TDRD5: variants seen among roughly 807,000 people sequenced by gnomAD.
TDRD5 encodes the protein tudor domain-containing protein 5.
Under a neutral mutation model 120.6 loss-of-function variants are expected in TDRD5, and 41 were observed. The ratio of observed to expected loss-of-function variants is 0.34; its 90% confidence interval spans 0.26 to 0.44. The LOEUF is 0.44. Ranked by LOEUF, TDRD5 falls within the 20% of genes least tolerant of loss-of-function variation. The probability of loss-of-function intolerance (pLI) is 1.00; values close to 1 mark genes in which losing one functional copy is unlikely to be tolerated. For synonymous variants in TDRD5, 430 were observed against 433.7 expected (o/e 0.99, Z 0.11); for missense variants, 1,006 against 1,221.2 (o/e 0.82, Z 2.63).
intron 3 of TDRD5, among the ~76,000 whole-genome samples, chr1:179,594,803 C>A (rs1429158638): frequency 6.6e-6 from 1 of 152,192 alleles, no homozygotes; most frequent in Non-Finnish European, 1.5e-5. Context: ...ATAGGGAAGG[C>A]TCTGGAGGCC....
intron 4 of TDRD5, among the ~76,000 whole-genome samples, chr1:179,601,774 C>G (rs1675726175): frequency 6.6e-6 from 1 of 152,182 alleles, no homozygotes; most frequent in South Asian, 2.1e-4. Context: ...GGTAGATACC[C>G]AGTAGTGGGA....
At chr1:179,675,273 ATTTT>A (rs1172444253) in intron 17 of TDRD5, among the ~76,000 whole-genome samples, 2 of 66,626 alleles carry the variant, frequency 3.0e-5, no homozygotes, top group African/African-American at 1.1e-4. Flanking sequence ...TATTATTATT[ATTTT>A]TTTTTTTTTT....
chr1:179,600,687 C>T (rs977310232), intron 4 of TDRD5, among the ~76,000 whole-genome samples: 2 of 151,906 alleles, frequency 1.3e-5, no homozygotes, highest in African/African-American at 2.4e-5. Context: ...GGGTTAATTT[C>T]CTCTTTGCTC....
At chr1:179,625,923 A>G (rs192838097) in intron 6 of TDRD5, among the ~76,000 whole-genome samples, 1 of 152,220 alleles carries the variant, frequency 6.6e-6, no homozygotes, top group African/African-American at 2.4e-5. Context: ...AGGGACATGG[A>G]TGAAATTGGA....
Position 179,654,297 on chromosome 1 carries a change from A to G in TDRD5, c.2257A>G (p.Lys753Glu). 2 of 1,549,878 alleles carry G rather than the reference A, an allele frequency of 1.3e-6. No homozygotes were observed. Among genetic ancestry groups the G allele is most frequent in the Non-Finnish European group, 1.7e-6 (2 of 1,146,596 alleles). Residue 753 changes from lysine (K) to glutamate (E), a missense_variant, in exon 14 of 18, where the codon AAG becomes GAG. By Grantham distance (56) the Lys-to-Glu change is moderately conservative. Around this residue, in one of 3 missense-constraint regions of TDRD5, gnomAD observed 403 missense variants for 448.1 expected, o/e 0.90. Transcript: ENST00000444136. ...SEFESLKTCN[K>E]SFEEDPKWSN... The stretch of plus-strand genomic sequence containing the variant: ...ATTTGAGTCTTTGAAAACCTGTAAT[A>G]AGAGCTTTGAAGAAGATCCAAAGTG...
rs1225357984 is a variant in TDRD5 at position 179,635,865 on chromosome 1, G to A, written c.1498G>A (p.Glu500Lys). The change falls in exon 9 of 18, where the codon GAA becomes AAA. Residue 500 changes from glutamate to lysine, a missense_variant. Coordinates refer to ENST00000444136, the MANE Select transcript of TDRD5 (RefSeq NM_001199085.3). Reference sequence around the variant, plus strand: ...TAGCAGGGATTCGTCAGAGTTACTCGAAGACATGATGATTGAAATGCGGTA... The same window carrying A: ...TAGCAGGGATTCGTCAGAGTTACTCAAAGACATGATGATTGAAATGCGGTA... ...IYSRDSSELL[E>K]DMMIEMRRCY... The A allele has an allele frequency of 2.5e-6, 4 of 1,613,446 alleles. No individual in the cohort carries two copies. The highest frequency in any genetic ancestry group is 2.2e-5 in the East Asian group (1 of 44,880).
At chr1:179,648,597 TAA>T (rs553600477) in intron 11 of TDRD5, among the ~76,000 whole-genome samples, 2 of 89,850 alleles carry the variant, frequency 2.2e-5, no homozygotes, top group Non-Finnish European at 4.7e-5. Flanking sequence ...AGTATAATAA[TAA>T]AAAAAAAAAG....
At chr1:179,603,273 C>G (rs1675812279) in intron 4 of TDRD5, among the ~76,000 whole-genome samples, 1 of 152,086 alleles carries the variant, frequency 6.6e-6, no homozygotes, top group Admixed American at 6.6e-5. Flanking sequence ...TAGGATCTTT[C>G]TGGAGGAGTC....
At chr1:179,600,222 A>C (rs1675633588) in intron 4 of TDRD5, among the ~76,000 whole-genome samples, 1 of 152,152 alleles carries the variant, frequency 6.6e-6, no homozygotes, top group Admixed American at 6.5e-5. Flanking sequence ...TCCTAGGCCT[A>C]CACATTCACC....
chr1:179,667,495 C>T (rs1381942427), intron 16 of TDRD5, among the ~76,000 whole-genome samples: 1 of 152,082 alleles, frequency 6.6e-6, no homozygotes, highest in Non-Finnish European at 1.5e-5. Flanking sequence ...AAACAAGTTA[C>T]CTTTTGTGCC....
intron 13 of TDRD5, among the ~76,000 whole-genome samples, chr1:179,653,571 T>C (rs1161428470): frequency 6.6e-6 from 1 of 152,220 alleles, no homozygotes; most frequent in Non-Finnish European, 1.5e-5. Flanking sequence ...TCTTCATTCT[T>C]AAATAGTAAA....
intron 17 of TDRD5, among the ~76,000 whole-genome samples, chr1:179,674,820 A>T (rs893494921): frequency 1.3e-5 from 2 of 152,050 alleles, no homozygotes; most frequent in African/African-American, 4.8e-5. Flanking sequence ...TTTCTAGTTT[A>T]CGTTTGTAAA....
At chr1:179,628,144 A>G (rs1056424009) in intron 6 of TDRD5, among the ~76,000 whole-genome samples, 6 of 152,180 alleles carry the variant, frequency 3.9e-5, no homozygotes, top group African/African-American at 1.4e-4. Context: ...AAGTGTTTGT[A>G]CTGCAAGATT....
At chr1:179,653,046 C>G (rs1050921883) in intron 13 of TDRD5, among the ~76,000 whole-genome samples, 2 of 152,074 alleles carry the variant, frequency 1.3e-5, no homozygotes, top group Non-Finnish European at 2.9e-5. Context: ...CACTTTTGGT[C>G]CCAAGCATTT....
chr1:179,625,463 T>C (rs1426304187), intron 6 of TDRD5, among the ~76,000 whole-genome samples: 1 of 152,096 alleles, frequency 6.6e-6, no homozygotes, highest in Admixed American at 6.6e-5. Context: ...AGTCTATAGC[T>C]CCATAATAGA....
chr1:179,616,034 A>G (rs1169545854), intron 4 of TDRD5, among the ~76,000 whole-genome samples: 2 of 152,124 alleles, frequency 1.3e-5, no homozygotes, highest in East Asian at 3.8e-4. Context: ...TGAATTTCAT[A>G]TAATTTTCAC....
intron 11 of TDRD5, among the ~76,000 whole-genome samples, chr1:179,644,993 TA>T (rs34287014): frequency 0.39 from 59,304 of 151,246 alleles, 12,006 homozygotes; most frequent in Admixed American, 0.45. Context: ...ATTGTTCAGT[TA>T]AAAAATATTT....
chr1:179,673,878 T>A (rs796933268), intron 17 of TDRD5, among the ~76,000 whole-genome samples: 1 of 152,244 alleles, frequency 6.6e-6, no homozygotes, highest in Non-Finnish European at 1.5e-5. Context: ...ATAGCAGAGC[T>A]ACTGATTGTG....
chr1:179,618,076 T>A (rs535245887), intron 4 of TDRD5, among the ~76,000 whole-genome samples: 1 of 152,308 alleles, frequency 6.6e-6, no homozygotes, highest in South Asian at 2.1e-4. Context: ...TAACTCTCTG[T>A]ACCTTCTGAC....
Sources: gnomAD v4.1 joint callset for allele counts (sites outside exome capture counted in the v4.1 genomes callset) on GRCh38, gnomAD v4.1.1 for gene constraint, gnomAD v4.1.1 regional missense constraint, MANE v1.5 for transcripts, NCBI Gene and HGNC (gene_info 2026-07-23, HGNC 2026-07-21) for gene names.